SLC35D2: variants seen among roughly 807,000 people sequenced by gnomAD.
SLC35D2 encodes solute carrier family 35 member D2.
A neutral mutation model predicts 41.8 loss-of-function variants in SLC35D2; 43 were observed. The ratio of observed to expected loss-of-function variants is 1.03; its 90% confidence interval spans 0.81 to 1.33. The LOEUF (loss-of-function observed/expected upper bound fraction) is 1.33, where lower values mean the gene tolerates loss of function less well. Ranked by LOEUF, SLC35D2 falls within the 40% of genes most tolerant of loss-of-function variation. SLC35D2 has a pLI of 0.00. For missense variants in SLC35D2, 380 were observed against 408.4 expected (o/e 0.93, Z 0.60); for synonymous variants, 150 against 163.9 (o/e 0.92, Z 0.65).
chr9:96,353,824 G>A (rs951469276), intron 4 of SLC35D2, among the ~76,000 whole-genome samples: 1 of 152,182 alleles, frequency 6.6e-6, no homozygotes, highest in Non-Finnish European at 1.5e-5. Flanking sequence ...TGCCAGGGCT[G>A]CCAAATGCCA....
chr9:96,365,040 C>CA (rs59249417), intron 2 of SLC35D2, among the ~76,000 whole-genome samples: 3,956 of 48,240 alleles, frequency 0.082, 155 homozygotes, highest in Non-Finnish European at 0.11. Flanking sequence ...ACCACTGTCT[C>CA]AAAAAAAAAA....
At chr9:96,352,834 TTGACACCACAC>T (rs1332627478) in intron 4 of SLC35D2, among the ~76,000 whole-genome samples, 1 of 151,944 alleles carries the variant, frequency 6.6e-6, no homozygotes, top group African/African-American at 2.4e-5. Flanking sequence ...GGTCAGGAGT[TTGACACCACAC>T]TGACCAACAT....
At chr9:96,325,890 G>C (rs7861990) in intron 9 of SLC35D2, among the ~76,000 whole-genome samples, 20,280 of 152,116 alleles carry the variant, frequency 0.13, 1,807 homozygotes, top group East Asian at 0.28. Flanking sequence ...CCTTCAACAC[G>C]ATAACCTCTG....
chr9:96,353,636 G>A (rs1039325816), intron 4 of SLC35D2, among the ~76,000 whole-genome samples: 5 of 152,164 alleles, frequency 3.3e-5, no homozygotes, highest in South Asian at 4.1e-4. Flanking sequence ...GTGAGCCACC[G>A]CACTGGGCTG....
intron 2 of SLC35D2, among the ~76,000 whole-genome samples, chr9:96,367,557 C>T (rs892927845): frequency 6.6e-6 from 1 of 152,032 alleles, no homozygotes; most frequent in Non-Finnish European, 1.5e-5. Context: ...AAGGTGGGTG[C>T]GGATCGCCTG....
chr9:96,383,544 CCGA>C lies in SLC35D2; in HGVS notation c.88_90del (p.Ser30del). The C allele has an allele frequency of 6.6e-7, 1 of 1,507,450 alleles. No individual in the cohort carries two copies. Among genetic ancestry groups the C allele is most frequent in the Non-Finnish European group, 8.9e-7 (1 of 1,127,720 alleles). The allele number at this position is 1,507,450 out of a possible 1,614,324, so 93.4% of individuals were successfully genotyped here. ...AAGGAGCAGGTCCCGTAGAAGAGCG[CCGA>C]CAGCAGCCGGGCCACCCGCGAGGGC... On this transcript the variant is annotated inframe_deletion, in exon 1 of 12. Transcript: ENST00000253270.
At chr9:96,360,731 A>G (rs748760262) in intron 3 of SLC35D2, among the ~76,000 whole-genome samples, 3 of 151,196 alleles carry the variant, frequency 2.0e-5, no homozygotes, top group Admixed American at 6.6e-5. Context: ...CACCCATCAG[A>G]TTAGCAAAAT....
At chr9:96,331,173 C>T (rs2130861584) in intron 9 of SLC35D2, among the ~76,000 whole-genome samples, 1 of 152,318 alleles carries the variant, frequency 6.6e-6, no homozygotes, top group African/African-American at 2.4e-5. Flanking sequence ...GCTGGGATTA[C>T]AGGCTTGAGC....
Position 96,351,109 on chromosome 9 carries a change from G to A in SLC35D2, c.482C>T (p.Ala161Val), listed in dbSNP as rs1287961900. The part of the protein sequence containing the change: ...VFAIILGAFI[A>V]AGSDLAFNLE... ...AAACAGTCCAAAGTCTTACCCAGCT[G>A]CTATGAAAGCCCCGAGAATAATGGC... Residue 161 changes from alanine (A) to valine (V), a missense_variant, in exon 6 of 12, where the codon GCA (alanine) becomes GTA (valine). Coordinates refer to ENST00000253270, the MANE Select transcript of SLC35D2 (RefSeq NM_007001.3). 6.2e-7 allele frequency: 1 copy of A among 1,610,272 alleles called. No individual in the cohort carries two copies. Among genetic ancestry groups the A allele is most frequent in the African/African-American group, 1.3e-5 (1 of 74,808 alleles).
Position 96,377,136 on chromosome 9 carries a change from C to T in SLC35D2, c.158+6341G>A, listed in dbSNP as rs1227051401. On this transcript the variant is annotated intron_variant, in intron 1 of 11. Transcript: ENST00000253270. Reference sequence around the variant, plus strand: ...CAGCGAGAAGGGACTGAGGAGGAGGCCTGGGGAAGCCAAGTGTGGACAGCC... The same window carrying T: ...CAGCGAGAAGGGACTGAGGAGGAGGTCTGGGGAAGCCAAGTGTGGACAGCC... Among the ~76,000 whole-genome samples the T allele has an allele frequency of 7.3e-5, 11 of 151,542 alleles. No individual in the cohort carries two copies. The South Asian group carries it at 8.4e-4, about 12-fold the overall frequency.
intron 4 of SLC35D2, among the ~76,000 whole-genome samples, chr9:96,353,866 T>C (rs1441672948): frequency 6.6e-6 from 1 of 152,170 alleles, no homozygotes; most frequent in Admixed American, 6.5e-5. Flanking sequence ...GATGCGACCC[T>C]GAGCGGCCGA....
Position 96,321,142 on chromosome 9 carries a change from G to A in SLC35D2, c.*100C>T, listed in dbSNP as rs1828199718. 4.8e-6 allele frequency: 4 copies of A among 829,080 alleles called. No individual in the cohort carries two copies. Among genetic ancestry groups the A allele is most frequent in the African/African-American group, 3.4e-5 (2 of 58,658 alleles). 51.4% of individuals were successfully genotyped at this position (829,080 alleles called of 1,614,324 possible). A position where few individuals can be genotyped will look rare whatever the true frequency, so the allele number is the denominator to read the frequency against. ...GCAGATGCTCTCACTTGCCCAGGGG[G>A]TGGATGTCACGAATCCGAAACCTCT... On this transcript the variant is annotated 3_prime_UTR_variant, in exon 12 of 12. Coordinates refer to ENST00000253270, the MANE Select transcript of SLC35D2 (RefSeq NM_007001.3).
At chr9:96,376,227 G>A (rs188438497) in intron 1 of SLC35D2, among the ~76,000 whole-genome samples, 88 of 149,672 alleles carry the variant, frequency 5.9e-4, no homozygotes, top group African/African-American at 2.0e-3. Context: ...CCCGGGAGGT[G>A]GAGGTTGCAG....
chr9:96,376,294 C>CAA (rs1163220771), intron 1 of SLC35D2, among the ~76,000 whole-genome samples: 27 of 54,408 alleles, frequency 5.0e-4, no homozygotes, highest in East Asian at 1.3e-3. Context: ...GACTCTGTCT[C>CAA]AAAAAAAAAA....
chr9:96,360,186 G>A lies in SLC35D2; in HGVS notation c.315C>T (p.His105=), dbSNP rs773536356. The part of the protein sequence containing the change: ...FPLPLLYVGN[H]ISGLSSTSKL... Reference sequence around the variant, plus strand: ...TACTTGTGCTTGATAATCCACTTATGTGGTTTCCAACGTAGAGGAGAGGCA... The same window carrying A: ...TACTTGTGCTTGATAATCCACTTATATGGTTTCCAACGTAGAGGAGAGGCA... The change falls in exon 4 of 12, where the codon CAC becomes CAT. Residue 105 remains histidine, a synonymous_variant. Transcript: ENST00000253270. 5.0e-6 allele frequency: 8 copies of A among 1,612,704 alleles called. No individual in the cohort carries two copies. Among genetic ancestry groups the A allele is most frequent in the Non-Finnish European group, 6.8e-6 (8 of 1,179,358 alleles).
intron 4 of SLC35D2, among the ~76,000 whole-genome samples, chr9:96,358,912 T>C (rs1039887890): frequency 7.9e-5 from 12 of 151,402 alleles, no homozygotes; most frequent in Admixed American, 2.0e-4. Context: ...ACCCAAGAGG[T>C]GGAGGTTGCA....
chr9:96,383,524 G>T lies in SLC35D2; in HGVS notation c.111C>A (p.Cys37Ter), dbSNP rs919462042. The T allele has an allele frequency of 6.5e-7, 1 of 1,528,384 alleles. No individual in the cohort carries two copies. Among genetic ancestry groups the T allele is most frequent in the Non-Finnish European group, 8.8e-7 (1 of 1,137,558 alleles). 94.7% of individuals were successfully genotyped at this position (1,528,384 alleles called of 1,614,324 possible). A position where few individuals can be genotyped will look rare whatever the true frequency, so the allele number is the denominator to read the frequency against. Residue 37 changes from cysteine (C) to a stop codon, truncating the protein, a stop_gained, in exon 1 of 12, where the codon TGC becomes TGA. Transcript: ENST00000253270. LOFTEE classifies it high-confidence loss of function. ...RLLSALFYGT[C>*]SFLIVLVNKA... ...TGTTGACAAGCACGATGAGGAAGGA[G>T]CAGGTCCCGTAGAAGAGCGCCGACA...
At chr9:96,325,266 G>A (rs1385364502) in intron 9 of SLC35D2, among the ~76,000 whole-genome samples, 1 of 152,222 alleles carries the variant, frequency 6.6e-6, no homozygotes, top group Non-Finnish European at 1.5e-5. Context: ...GAAATTAGCT[G>A]CAACCTCACC....
chr9:96,345,469 G>T, intron 6 of SLC35D2, 68 bp from the exon 7 acceptor site: 2 of 861,246 alleles, frequency 2.3e-6, no homozygotes, highest in South Asian at 1.4e-5. Flanking sequence ...AAGCCCGCCT[G>T]ATCTACCTTT....
Sources: allele counts gnomAD v4.1 joint callset (sites outside exome capture counted in the v4.1 genomes callset), GRCh38; gene constraint gnomAD v4.1.1; transcripts MANE v1.5; gene names NCBI Gene and HGNC (gene_info 2026-07-23, HGNC 2026-07-21).